CD5: variants seen among roughly 807,000 people sequenced by gnomAD.
CD5 encodes the protein CD5 molecule, also known as T-cell surface glycoprotein CD5.
A neutral mutation model predicts 60.3 loss-of-function variants in CD5; 36 were observed. That is an observed-to-expected ratio of 0.60 (90% CI 0.46 to 0.79). The LOEUF is 0.79. Among genes scored for constraint, CD5 ranks in the 30% least tolerant of loss-of-function variants. CD5 has a pLI of 0.00. For synonymous variants in CD5, 230 were observed against 257.6 expected (o/e 0.89, Z 1.03); for missense variants, 540 against 630.6 (o/e 0.86, Z 1.54).
At chr11:61,103,106 G>A (rs548291885) in intron 1 of CD5, among the ~76,000 whole-genome samples, 3 of 152,228 alleles carry the variant, frequency 2.0e-5, no homozygotes, top group Non-Finnish European at 4.4e-5. Flanking sequence ...CTCTGAGGAC[G>A]ATGTCTGAGC....
chr11:61,123,254 T>C (rs1861096180), intron 7 of CD5, among the ~76,000 whole-genome samples: 1 of 152,198 alleles, frequency 6.6e-6, no homozygotes, highest in Admixed American at 6.5e-5. Flanking sequence ...TGTCCATCTC[T>C]GGAGCCCAGC....
intron 1 of CD5, among the ~76,000 whole-genome samples, chr11:61,105,256 T>C (rs1174146768): frequency 6.6e-6 from 1 of 152,222 alleles, no homozygotes; most frequent in Admixed American, 6.5e-5. Flanking sequence ...GAAGCGGCTC[T>C]AACACAAACT....
the CD5 span, among the ~76,000 whole-genome samples, chr11:61,097,387 G>A: frequency 2.6e-5 from 4 of 152,186 alleles, no homozygotes; most frequent in African/African-American, 4.8e-5. Flanking sequence ...CACCCCGTAG[G>A]ACGACTTAGT....
upstream of CD5, among the ~76,000 whole-genome samples, chr11:61,099,406 A>AGATCAC (rs1860625188): frequency 2.6e-5 from 2 of 77,924 alleles, no homozygotes; most frequent in Non-Finnish European, 4.5e-5. Flanking sequence ...ATCAACATGG[A>AGATCAC]AATCACACAC....
Position 61,123,041 on chromosome 11 carries a change from C to CA in CD5, c.1225+10dup. 1 of 1,604,524 alleles carries CA rather than the reference C, an allele frequency of 6.2e-7. No individual in the cohort carries two copies. The highest frequency in any genetic ancestry group is 8.5e-7 in the Non-Finnish European group (1 of 1,175,176). ...GAAGCTAGTGAAGAAATGTAGGTGT[C>CA]ACGGCCCTGAGTGGCTCCGTTCCCA... On this transcript the variant is annotated intron_variant, in intron 7 of 10. Coordinates refer to ENST00000347785, the MANE Select transcript of CD5 (RefSeq NM_014207.4).
At chr11:61,124,042 A>G (rs1341122159) in intron 8 of CD5, 105 bp downstream of exon 8, 1 of 884,362 alleles carries the variant, frequency 1.1e-6, no homozygotes, top group African/African-American at 1.7e-5. Flanking sequence ...TGGCTGCTTG[A>G]AGCCTCTGAT....
In CD5 at chr11:61,118,863, C is replaced by T. The variant is rs1238486267; in HGVS notation, c.401-52C>T. On this transcript the variant is annotated intron_variant, in intron 3 of 10. Transcript: ENST00000347785. This position sits in a 1 kb window ranked among gnomAD's most constrained non-coding sequence, Gnocchi z 4.7. Reference sequence around the variant, plus strand: ...GTCCTCTCAAGGCTGCTGGCTGCCCCCGGCCCTCCCCACACCACCCATTCC... The same window carrying T: ...GTCCTCTCAAGGCTGCTGGCTGCCCTCGGCCCTCCCCACACCACCCATTCC... 1.4e-6 allele frequency: 2 copies of T among 1,391,198 alleles called. No individual in the cohort carries two copies. The highest frequency in any genetic ancestry group is 2.8e-5 in the African/African-American group (2 of 70,464). 86.2% of individuals were successfully genotyped at this position (1,391,198 alleles called of 1,614,324 possible).
At chr11:61,104,072 CTG>C (rs3045407) in intron 1 of CD5, among the ~76,000 whole-genome samples, 32,999 of 135,204 alleles carry the variant, frequency 0.24, 4,102 homozygotes, top group African/African-American at 0.37. Flanking sequence ...GTGTGTGAGT[CTG>C]TGTGTGAGTC....
intron 6 of CD5, 145 bp from the exon 7 acceptor site, chr11:61,122,762 C>A (rs2134610982): frequency 2.4e-6 from 2 of 848,068 alleles, no homozygotes; most frequent in Non-Finnish European, 3.6e-6. Context: ...GAGGGATAGC[C>A]AAATAGATCA....
intron 6 of CD5, 39 bp downstream of exon 6, chr11:61,121,943 C>T: frequency 6.7e-7 from 1 of 1,486,248 alleles, no homozygotes; most frequent in South Asian, 1.4e-5. Context: ...GAAGCAGTTA[C>T]TACTTTACCT....
chr11:61,124,912 G>A, intron 8 of CD5, 120 bp from the exon 9 acceptor site: 1 of 1,149,020 alleles, frequency 8.7e-7, no homozygotes, highest in South Asian at 1.5e-5. Context: ...GGCTGTGGGT[G>A]CCTTTGTCCT....
In CD5 at chr11:61,118,902, T is replaced by G; in HGVS notation, c.401-13T>G. The G allele has an allele frequency of 5.6e-6, 9 of 1,610,154 alleles. No individual in the cohort carries two copies. Among genetic ancestry groups the G allele is most frequent in the Non-Finnish European group, 7.6e-6 (9 of 1,177,268 alleles). ...ACCACCCATTCCTCCCTCACCAGAG[T>G]GTCTCATTGCAGAACCCCAGAAGAC... On this transcript the variant is annotated splice_polypyrimidine_tract_variant and intron_variant, in intron 3 of 10. Coordinates refer to ENST00000347785, the MANE Select transcript of CD5 (RefSeq NM_014207.4). The surrounding 1 kb of genome is among the most constrained non-coding windows in gnomAD (Gnocchi z 4.7).
chr11:61,122,263 AATGGATGG>A (rs1407165396), intron 6 of CD5, among the ~76,000 whole-genome samples: 1 of 138,228 alleles, frequency 7.2e-6, no homozygotes, highest in Non-Finnish European at 1.5e-5. Context: ...AAAAGAGAGA[AATGGATGG>A]ATGGATGGAT....
intron 7 of CD5, 73 bp from the exon 8 acceptor site, chr11:61,123,811 A>AACCCC: frequency 3.8e-6 from 1 of 262,112 alleles, no homozygotes; most frequent in Non-Finnish European, 7.1e-6. Context: ...GCCCAGCCCC[A>AACCCC]TCCCCACCCC....
chr11:61,120,401 A>G (rs1295659259), intron 5 of CD5, among the ~76,000 whole-genome samples: 1 of 152,076 alleles, frequency 6.6e-6, no homozygotes, highest in Non-Finnish European at 1.5e-5. Flanking sequence ...ACATGGCCTT[A>G]GGAGGTGGGT....
At chr11:61,095,310 C>A in the CD5 span, among the ~76,000 whole-genome samples, 1 of 152,140 alleles carries the variant, frequency 6.6e-6, no homozygotes, top group African/African-American at 2.4e-5. Context: ...AATCCAAATG[C>A]CCCTGAGAGA....
chr11:61,125,348 T>C lies in CD5; in HGVS notation c.1399+197T>C, dbSNP rs200619430. Among the ~76,000 whole-genome samples the C allele has an allele frequency of 2.6e-5, 4 of 152,324 alleles. No homozygotes were observed. The East Asian group carries it at 5.8e-4, about 22-fold the overall frequency. ...CCTTTGCAGGCCCCAGCTGTCCCGTTTGAGACCACAAACTACTCATCTGGA... is the reference window on the plus strand; with the variant it reads ...CCTTTGCAGGCCCCAGCTGTCCCGTCTGAGACCACAAACTACTCATCTGGA... On this transcript the variant is annotated intron_variant, in intron 9 of 10. Transcript: ENST00000347785.
upstream of CD5, among the ~76,000 whole-genome samples, chr11:61,100,772 G>A (rs1254505932): frequency 1.6e-5 from 2 of 125,128 alleles, no homozygotes; most frequent in South Asian, 2.9e-4. Flanking sequence ...TCAACATGGA[G>A]ATCACAAACA....
At chr11:61,100,564 ACAT>A (rs1235592927), upstream of CD5, among the ~76,000 whole-genome samples, 49 of 131,960 alleles carry the variant, frequency 3.7e-4, no homozygotes, top group African/African-American at 1.6e-3. Flanking sequence ...TCACACACAC[ACAT>A]CAACATGGAG....
Sources: gnomAD v4.1 joint callset for allele counts (sites outside exome capture counted in the v4.1 genomes callset) on GRCh38, gnomAD v4.1.1 for gene constraint, Gnocchi (gnomAD v3.1) non-coding constraint, MANE v1.5 for transcripts, NCBI Gene and HGNC (gene_info 2026-07-23, HGNC 2026-07-21) for gene names.